ATXN3: variants seen among roughly 807,000 people sequenced by gnomAD.
The protein encoded by ATXN3 is ataxin 3.
Under a neutral mutation model 58.2 loss-of-function variants are expected in ATXN3, and 28 were observed. The observed-to-expected ratio is 0.48, with a 90% CI of 0.36 to 0.66. The LOEUF is 0.66. ATXN3 is among the 30% of genes least tolerant of loss of function. The pLI, the probability that ATXN3 is intolerant of heterozygous loss-of-function variation, is 0.00. For synonymous variants in ATXN3, 113 were observed against 138.5 expected, an observed-to-expected ratio of 0.82 and a Z score of 1.29; for missense variants, 321 against 422.1, an observed-to-expected ratio of 0.76 and a Z score of 2.10.
downstream of ATXN3, among the ~76,000 whole-genome samples, chr14:92,054,085 C>A (rs139080335): frequency 1.3e-5 from 2 of 152,186 alleles, no homozygotes; most frequent in African/African-American, 4.8e-5. Context: ...TAGGCGCACA[C>A]CAACCACGCC....
intron 3 of ATXN3, 112 bp from the exon 4 acceptor site, chr14:92,093,943 G>T: frequency 1.5e-5 from 8 of 542,236 alleles, no homozygotes; most frequent in Non-Finnish European, 1.9e-5. Flanking sequence ...GAAGGCTATA[G>T]GTTTTTTTTT....
chr14:92,058,724 G>C lies in ATXN3; in HGVS notation c.*5596C>G, dbSNP rs534442386. 1.3e-5 allele frequency: 2 copies of C among 152,246 alleles called. No individual in the cohort carries two copies. The highest frequency in any genetic ancestry group is 3.9e-4 in the East Asian group (2 of 5,184). The allele number at this position is 152,246 out of a possible 1,614,324, so 9.4% of individuals were successfully genotyped here. A position where few individuals can be genotyped will look rare whatever the true frequency, so the allele number is the denominator to read the frequency against. On this transcript the variant is annotated 3_prime_UTR_variant, in exon 11 of 11. Coordinates refer to ENST00000644486, the MANE Select transcript of ATXN3 (RefSeq NM_004993.6). ...TAATAACAGCAAATGAACTTAACGA[G>C]GGAGCACACACAGAAGGGCTGCAGG...
intron 10 of ATXN3, among the ~76,000 whole-genome samples, chr14:92,066,853 G>A (rs1418718933): frequency 2.0e-5 from 3 of 150,510 alleles, no homozygotes; most frequent in Non-Finnish European, 4.4e-5. Flanking sequence ...CACTGCAACC[G>A]TCGCCTCCCA....
intron 5 of ATXN3, 119 bp downstream of exon 5, chr14:92,093,133 T>G (rs1441918741): frequency 3.6e-6 from 2 of 550,758 alleles, no homozygotes; most frequent in African/African-American, 4.1e-5. Context: ...TGGCTTCAAG[T>G]GATCCCCCCA....
rs1334189204 is a variant in ATXN3 at position 92,059,789 on chromosome 14, G to T, written c.*4531C>A. The T allele has an allele frequency of 6.8e-6, 1 of 146,296 alleles. No homozygotes were observed. The highest frequency in any genetic ancestry group is 1.5e-5 in the Non-Finnish European group (1 of 67,128). 9.1% of individuals were successfully genotyped at this position (146,296 alleles called of 1,614,324 possible). Reference sequence around the variant, plus strand: ...GCCAACATCGTGTCATTGTACTCCAGCCTGGGCAGCAGAGCTAGACTCCGT... The same window carrying T: ...GCCAACATCGTGTCATTGTACTCCATCCTGGGCAGCAGAGCTAGACTCCGT... On this transcript the variant is annotated 3_prime_UTR_variant, in exon 11 of 11. Coordinates refer to ENST00000644486, the MANE Select transcript of ATXN3 (RefSeq NM_004993.6).
intron 10 of ATXN3, among the ~76,000 whole-genome samples, chr14:92,069,018 C>A (rs930486350): frequency 6.6e-6 from 1 of 151,642 alleles, no homozygotes; most frequent in Admixed American, 6.6e-5. Context: ...CATTCATTAA[C>A]TAAATGAAGG....
chr14:92,051,375 T>G (rs2057447140), upstream of ATXN3, among the ~76,000 whole-genome samples: 1 of 152,230 alleles, frequency 6.6e-6, no homozygotes, highest in South Asian at 2.1e-4. Context: ...AAAGTGCTTC[T>G]GTTTTCAACA....
chr14:92,088,622 T>C, intron 6 of ATXN3, 108 bp downstream of exon 6: 2 of 800,462 alleles, frequency 2.5e-6, no homozygotes, highest in Non-Finnish European at 4.2e-6. Flanking sequence ...CTAAAGATTG[T>C]TTCACTGCCA....
chr14:92,105,538 A>G (rs1238308321), intron 1 of ATXN3, among the ~76,000 whole-genome samples: 1 of 152,244 alleles, frequency 6.6e-6, no homozygotes, highest in Non-Finnish European at 1.5e-5. Context: ...GATCATTTAT[A>G]AGTATTTAAT....
intron 10 of ATXN3, 83 bp from the exon 11 acceptor site, chr14:92,064,497 T>A: frequency 3.0e-6 from 3 of 1,010,560 alleles, no homozygotes; most frequent in Non-Finnish European, 3.0e-6. Context: ...AGAAAATGTA[T>A]TTCTATTTGA....
intron 8 of ATXN3, 25 bp from the exon 9 acceptor site, chr14:92,081,086 A>G: frequency 1.4e-6 from 2 of 1,445,034 alleles, no homozygotes; most frequent in Non-Finnish European, 1.9e-6. Flanking sequence ...CAACACAACA[A>G]AAACCAATCA....
At chr14:92,076,939 CAAAAAAAAA>C (rs1157708694) in intron 9 of ATXN3, among the ~76,000 whole-genome samples, 1 of 59,832 alleles carries the variant, frequency 1.7e-5, no homozygotes, top group African/African-American at 6.3e-5. Flanking sequence ...GATTTCGTCT[CAAAAAAAAA>C]AAAAAAAAAA....
intron 9 of ATXN3, among the ~76,000 whole-genome samples, chr14:92,075,156 G>C (rs1174788140): frequency 9.0e-6 from 1 of 111,356 alleles, no homozygotes; most frequent in Non-Finnish European, 1.8e-5. Flanking sequence ...GTAATAGGGA[G>C]TTTTTTTTTT....
chr14:92,065,512 T>C (rs915382139), intron 10 of ATXN3, among the ~76,000 whole-genome samples: 28 of 151,948 alleles, frequency 1.8e-4, no homozygotes, highest in Middle Eastern at 3.2e-3. Context: ...GGCAGGCAGA[T>C]TGCTTGAGCC....
chr14:92,072,694 TAAAAAA>T (rs33967699), intron 9 of ATXN3, among the ~76,000 whole-genome samples: 10 of 90,968 alleles, frequency 1.1e-4, no homozygotes, highest in African/African-American at 1.3e-4. Flanking sequence ...AGCTATAGGT[TAAAAAA>T]AAAAAAAAAA....
intron 8 of ATXN3, 115 bp downstream of exon 8, chr14:92,082,185 G>T: frequency 8.5e-7 from 1 of 1,177,784 alleles, no homozygotes; most frequent in Non-Finnish European, 1.2e-6. Flanking sequence ...TATAGCTATT[G>T]CTTCTGCAGT....
chr14:92,102,589 C>T (rs1044643765), intron 1 of ATXN3, among the ~76,000 whole-genome samples: 1 of 152,226 alleles, frequency 6.6e-6, no homozygotes, highest in African/African-American at 2.4e-5. Context: ...CAGCATTTCT[C>T]ACCTCCTCTT....
chr14:92,066,601 GTTTTTTTT>G (rs66941473), intron 10 of ATXN3, among the ~76,000 whole-genome samples: 4 of 107,020 alleles, frequency 3.7e-5, no homozygotes, highest in South Asian at 2.9e-4. Context: ...TTTTTTTCTT[GTTTTTTTT>G]TTTTTTTTTT....
rs1176512949 is a variant in ATXN3, at chr14:92,059,177, C to T, written c.*5143G>A. ...AGCACTAATTCTTAAAATGCCAGACCACTTGGAAAAAATAATAATAGCAAA... is the reference window on the plus strand; with the variant it reads ...AGCACTAATTCTTAAAATGCCAGACTACTTGGAAAAAATAATAATAGCAAA... On this transcript the variant is annotated 3_prime_UTR_variant, in exon 11 of 11. Coordinates refer to ENST00000644486, the MANE Select transcript of ATXN3 (RefSeq NM_004993.6). 1 of 151,912 alleles carries T rather than the reference C, an allele frequency of 6.6e-6. No homozygotes were observed. The highest frequency in any genetic ancestry group is 1.5e-5 in the Non-Finnish European group (1 of 67,982). 9.4% of individuals were successfully genotyped at this position (151,912 alleles called of 1,614,324 possible).
Sources: gnomAD v4.1 joint callset for allele counts (sites outside exome capture counted in the v4.1 genomes callset) on GRCh38, gnomAD v4.1.1 for gene constraint, MANE v1.5 for transcripts, NCBI Gene and HGNC (gene_info 2026-07-23, HGNC 2026-07-21) for gene names.